Variants in ZNF780A observed in about 807,000 individuals in gnomAD.
ZNF780A encodes zinc finger protein 780A.
In ZNF780A, 40 loss-of-function variants were observed where a neutral mutation model predicts 56.7. That is an observed-to-expected ratio of 0.71 (90% confidence interval 0.55 to 0.92). ZNF780A has a LOEUF of 0.92. Among genes scored for constraint, ZNF780A ranks in the 40% least tolerant of loss-of-function variants. The pLI, the probability that ZNF780A is intolerant of heterozygous loss-of-function variation, is 0.00. For synonymous variants in ZNF780A, 231 were observed against 248.3 expected (o/e 0.93, Z 0.66); for missense variants, 672 against 783.3 (o/e 0.86, Z 1.70).
chr19:40,075,471 C>A lies in ZNF780A; in HGVS notation c.971G>T (p.Cys324Phe). 6.2e-7 allele frequency: 1 copy of A among 1,611,818 alleles called. No individual in the cohort carries two copies. Among genetic ancestry groups the A allele is most frequent in the Non-Finnish European group, 8.5e-7 (1 of 1,179,382 alleles). ...GGGTTTCTCACCAGTATGAATTTGG[C>A]AATGTTCAATAAGTTGGTAATGATA... ...FRYHYQLIEH[C>F]QIHTGEKPFE... The change falls in exon 6 of 6, where the codon TGC (cysteine) becomes TTC (phenylalanine). Residue 324 changes from cysteine (C) to phenylalanine (F), a missense_variant. Physicochemically the swap from Cys to Phe is radical, Grantham distance 205. Coordinates refer to ENST00000683561, the MANE Select transcript of ZNF780A (RefSeq NM_001142578.2).
chr19:40,070,286 T>C (rs1359708441), downstream of ZNF780A: 2 of 152,170 alleles, frequency 1.3e-5, no homozygotes, highest in South Asian at 2.1e-4. Context: ...TAATTAAATG[T>C]ATCCAAAAAA....
chr19:40,081,954 C>A, intron 4 of ZNF780A, 40 bp from the exon 5 acceptor site: 1 of 1,479,080 alleles, frequency 6.8e-7, no homozygotes. Flanking sequence ...TTTTTTAATA[C>A]AGATTTTTTT....
At chr19:40,084,585 G>A (rs934530486) in intron 3 of ZNF780A, among the ~76,000 whole-genome samples, 160 bp downstream of exon 3, 2 of 151,928 alleles carry the variant, frequency 1.3e-5, no homozygotes, top group Non-Finnish European at 2.9e-5. Flanking sequence ...AATAGGAAGA[G>A]CAGTGACTTT....
At chr19:40,085,272 C>T in intron 2 of ZNF780A, 2 of 985,408 alleles carry the variant, frequency 2.0e-6, no homozygotes, top group Non-Finnish European at 2.4e-6. Context: ...AGCATATTTG[C>T]ACTGGCAGTG....
chr19:40,084,642 G>T, intron 3 of ZNF780A, 103 bp downstream of exon 3: 2 of 1,211,310 alleles, frequency 1.7e-6, no homozygotes, highest in Non-Finnish European at 2.3e-6. Context: ...AAACTGGGGT[G>T]TAAGATCGTG....
rs569566744 is a variant in ZNF780A at position 40,083,636 on chromosome 19, C to G, written c.10-399G>C. Among the ~76,000 whole-genome samples, 89 of 149,080 alleles carry G rather than the reference C, an allele frequency of 6.0e-4. 1 individual carries two copies. The highest frequency in any genetic ancestry group is 6.8e-3 in the Middle Eastern group (2 of 294). ...CTGTGATCACGCCACTGCACTCCAG[C>G]CTGGGCCACAGAGCAAGACTCTGTC... On this transcript the variant is annotated intron_variant, in intron 3 of 5. Coordinates refer to ENST00000683561, the MANE Select transcript of ZNF780A (RefSeq NM_001142578.2).
chr19:40,082,039 T>C (rs1426993646), intron 4 of ZNF780A, 125 bp from the exon 5 acceptor site: 1 of 593,198 alleles, frequency 1.7e-6, no homozygotes, highest in Non-Finnish European at 2.8e-6. Context: ...AGACTTCAGA[T>C]AAGAGTGAGA....
At chr19:40,084,014 C>T (rs1158581097) in intron 3 of ZNF780A, among the ~76,000 whole-genome samples, 1 of 152,086 alleles carries the variant, frequency 6.6e-6, no homozygotes, top group Non-Finnish European at 1.5e-5. Context: ...ATTCTCCTGC[C>T]TCAGCCTCCT....
chr19:40,088,171 T>C (rs1286728408), intron 2 of ZNF780A, among the ~76,000 whole-genome samples: 1 of 152,132 alleles, frequency 6.6e-6, no homozygotes, highest in Non-Finnish European at 1.5e-5. Flanking sequence ...AATGAAATTA[T>C]GTCAAGCTAA....
rs2144894361 is a variant in ZNF780A at position 40,073,503 on chromosome 19, T to C, written c.*1013A>G. On this transcript the variant is annotated 3_prime_UTR_variant, in exon 6 of 6. Transcript: ENST00000683561. The stretch of plus-strand genomic sequence containing the variant: ...TTCAGTTTGTATAAAACACAATAAC[T>C]GCAATGCACAATTCAGCGAGGTATG... 1 of 985,468 alleles carries C rather than the reference T, an allele frequency of 1.0e-6. No individual in the cohort carries two copies. Among genetic ancestry groups the C allele is most frequent in the South Asian group, 4.7e-5 (1 of 21,286 alleles). The allele number at this position is 985,468 out of a possible 1,614,324, so 61.0% of individuals were successfully genotyped here.
In ZNF780A at chr19:40,087,929, A is replaced by C. The variant is rs192752888; in HGVS notation, c.-46+2237T>G. ...TGGGGAAAAGAGAGACTCTTCAAAA[A>C]ATACTGTTGTGAAAAGTAGGTATCC... On this transcript the variant is annotated intron_variant, in intron 2 of 5. Coordinates refer to ENST00000683561, the MANE Select transcript of ZNF780A (RefSeq NM_001142578.2). Among the ~76,000 whole-genome samples, 371 of 152,328 alleles carry C rather than the reference A, an allele frequency of 2.4e-3. 2 individuals carry two copies. Among genetic ancestry groups the C allele is most frequent in the African/African-American group, 8.6e-3 (358 of 41,576 alleles).
Position 40,084,743 on chromosome 19 carries a change from A to C in ZNF780A, c.9+2T>G, listed in dbSNP as rs775652765. ...AAGGAAAAGAGAGAAATACAAACTT[A>C]CATGGACCATGTTGCTAGAATTACA... On this transcript the variant is annotated splice_donor_variant, in intron 3 of 5. Coordinates refer to ENST00000683561, the MANE Select transcript of ZNF780A (RefSeq NM_001142578.2). LOFTEE classifies it high-confidence loss of function. 1.9e-6 allele frequency: 3 copies of C among 1,552,318 alleles called. No individual in the cohort carries two copies. In the Admixed American group the frequency reaches 5.9e-5, roughly 30 times the overall value.
At chr19:40,085,199 C>T in intron 2 of ZNF780A, 1 of 985,462 alleles carries the variant, frequency 1.0e-6, no homozygotes, top group Non-Finnish European at 1.2e-6. Flanking sequence ...TTGCATCATC[C>T]AAACCAGAAC....
rs560237917 is a variant in ZNF780A, at chr19:40,073,579, T to C, written c.*937A>G. The C allele has an allele frequency of 2.0e-6, 2 of 985,870 alleles. No homozygotes were observed. Among genetic ancestry groups the C allele is most frequent in the African/African-American group, 1.7e-5 (1 of 57,348 alleles). 61.1% of individuals were successfully genotyped at this position (985,870 alleles called of 1,614,324 possible). On this transcript the variant is annotated 3_prime_UTR_variant, in exon 6 of 6. Transcript: ENST00000683561. ...GGGAGTACATTGTGAACATGACAAC[T>C]ACCCTATATTCCTCATTCAAAGACT...
chr19:40,085,523 A>C (rs931288681), intron 2 of ZNF780A, among the ~76,000 whole-genome samples: 4 of 152,220 alleles, frequency 2.6e-5, no homozygotes, highest in Non-Finnish European at 5.9e-5. Flanking sequence ...AAAATTTAGA[A>C]AATTATATAC....
Position 40,084,818 on chromosome 19 carries a change from A to C in ZNF780A, c.-45-20T>G. ...TCTCCCCTGGAAAACAACAACAACA[A>C]AAAGGCCACAATTAAAGCTGTGTCT... On this transcript the variant is annotated intron_variant, in intron 2 of 5. Transcript: ENST00000683561. 2 of 1,549,906 alleles carry C rather than the reference A, an allele frequency of 1.3e-6. No homozygotes were observed. Among genetic ancestry groups the C allele is most frequent in the Non-Finnish European group, 1.7e-6 (2 of 1,147,276 alleles).
Position 40,083,315 on chromosome 19 carries a change from G to A in ZNF780A, c.10-78C>T, listed in dbSNP as rs1197481934. ...ATGAAAGGAGAGGAAGTGAAGGAGT[G>A]TAGTGTAAGAAAAAAGCAATATGGA... On this transcript the variant is annotated intron_variant, in intron 3 of 5. Transcript: ENST00000683561. The A allele has an allele frequency of 1.9e-6, 3 of 1,577,760 alleles. No homozygotes were observed. In the Admixed American group the frequency reaches 5.6e-5, roughly 30 times the overall value.
Position 40,075,751 on chromosome 19 carries a change from T to G in ZNF780A, c.691A>C (p.Ser231Arg). 6.2e-7 allele frequency: 1 copy of G among 1,614,120 alleles called. No homozygotes were observed. Among genetic ancestry groups the G allele is most frequent in the South Asian group, 1.1e-5 (1 of 91,076 alleles). Residue 231 changes from serine to arginine, a missense_variant, in exon 6 of 6, where the codon AGT (serine) becomes CGT (arginine). Coordinates refer to ENST00000683561, the MANE Select transcript of ZNF780A (RefSeq NM_001142578.2). Reference protein sequence around the residue: ...FECNECGKAFSLLTLLNRHKN... With the variant: ...FECNECGKAFRLLTLLNRHKN... ...TGGCGATTAAGCAGGGTAAGAAGAC[T>G]AAAGGCCTTTCCACATTCGTTACAT...
chr19:40,074,042 T>C lies in ZNF780A; in HGVS notation c.*474A>G. On this transcript the variant is annotated 3_prime_UTR_variant, in exon 6 of 6. Transcript: ENST00000683561. Reference sequence around the variant, plus strand: ...AGGGTTTCATACCAGTATGAATTCTTTGATGTGCAGTCAGGACCAAACTAA... The same window carrying C: ...AGGGTTTCATACCAGTATGAATTCTCTGATGTGCAGTCAGGACCAAACTAA... 2.5e-6 allele frequency: 3 copies of C among 1,207,976 alleles called. No homozygotes were observed. Among genetic ancestry groups the C allele is most frequent in the Non-Finnish European group, 3.1e-6 (3 of 953,596 alleles). 74.8% of individuals were successfully genotyped at this position (1,207,976 alleles called of 1,614,324 possible).
Sources: gnomAD v4.1 joint callset for allele counts (sites outside exome capture counted in the v4.1 genomes callset) on GRCh38, gnomAD v4.1.1 for gene constraint, MANE v1.5 for transcripts, NCBI Gene and HGNC (gene_info 2026-07-23, HGNC 2026-07-21) for gene names.